Variants in TECR observed in about 807,000 individuals in gnomAD.
The protein encoded by TECR is trans-2,3-enoyl-CoA reductase.
TECR carries 19 observed loss-of-function variants against 50.6 expected under a neutral mutation model. The ratio of observed to expected loss-of-function variants is 0.38; its 90% CI spans 0.26 to 0.55. TECR has a LOEUF of 0.55. TECR is among the 20% of genes least tolerant of loss of function. The pLI is 0.79. For missense variants in TECR, 313 were observed against 408.3 expected (o/e 0.77, Z 2.01); for synonymous variants, 168 against 163.5 (o/e 1.03, Z -0.21).
intron 1 of TECR, among the ~76,000 whole-genome samples, chr19:14,543,226 C>G (rs1039369010): frequency 3.6e-5 from 5 of 139,248 alleles, no homozygotes; most frequent in African/African-American, 1.4e-4. Flanking sequence ...AGGAGGTGGG[C>G]AGATGGGTGG....
intron 11 of TECR, 61 bp downstream of exon 11, chr19:14,565,351 C>T (rs2074045744): frequency 1.3e-6 from 2 of 1,593,288 alleles, no homozygotes. Flanking sequence ...GAGGGACCAG[C>T]CCCTAGGATG....
intron 1 of TECR, among the ~76,000 whole-genome samples, chr19:14,559,210 A>G (rs575629062): frequency 7.9e-5 from 12 of 152,280 alleles, no homozygotes; most frequent in African/African-American, 2.9e-4. Context: ...ACATGAAACT[A>G]ACCATTTAAA....
intron 1 of TECR, chr19:14,530,383 T>C (rs537356507): frequency 1.0e-3 from 158 of 153,324 alleles, no homozygotes; most frequent in African/African-American, 3.5e-3. Flanking sequence ...CGAAGTCTTC[T>C]GATGTGCTTA....
In TECR at chr19:14,563,350, GGCCTGCAGAGAT is replaced by G. The variant is rs1392536453; in HGVS notation, c.118+97_118+108del. On this transcript the variant is annotated intron_variant, in intron 3 of 12. Transcript: ENST00000215567. This position sits in a 1 kb window ranked among gnomAD's most constrained non-coding sequence, Gnocchi z 5.3. Reference sequence around the variant, plus strand: ...TCCCATCCTGCACCCCTCTCCCAGGGGCCTGCAGAGATGCCCCAGTGTGGCCCAGGCTTCTGG... The same window carrying G: ...TCCCATCCTGCACCCCTCTCCCAGGGGCCCCAGTGTGGCCCAGGCTTCTGG... 1 of 1,255,114 alleles carries G rather than the reference GGCCTGCAGAGAT, an allele frequency of 8.0e-7. No individual in the cohort carries two copies. Among genetic ancestry groups the G allele is most frequent in the East Asian group, 2.4e-5 (1 of 41,484 alleles). The allele number at this position is 1,255,114 out of a possible 1,614,324, so 77.7% of individuals were successfully genotyped here.
intron 1 of TECR, among the ~76,000 whole-genome samples, chr19:14,541,461 G>A (rs904926988): frequency 2.6e-5 from 4 of 152,188 alleles, no homozygotes; most frequent in Non-Finnish European, 5.9e-5. Flanking sequence ...GCCTTTTCCC[G>A]TCATAGGACC....
At chr19:14,553,951 C>T (rs1447815742) in intron 1 of TECR, among the ~76,000 whole-genome samples, 1 of 152,178 alleles carries the variant, frequency 6.6e-6, no homozygotes, top group Non-Finnish European at 1.5e-5. Context: ...GCCTCTTGTG[C>T]CCCAGACTCG....
rs1411858922 is a variant in TECR, at chr19:14,564,285, A to G, written c.487A>G (p.Lys163Glu). Residue 163 changes from lysine to glutamate, a missense_variant and splice_region_variant, in exon 7 of 13, where the codon AAG becomes GAG. Coordinates refer to ENST00000215567, the MANE Select transcript of TECR (RefSeq NM_138501.6). ...CACTATGCCTTTGCGCAACATCTTCAAGGTGAGAGCCCGTCCCCGCCTCAC... is the reference window on the plus strand; with the variant it reads ...CACTATGCCTTTGCGCAACATCTTCGAGGTGAGAGCCCGTCCCCGCCTCAC... ...HGTMPLRNIF[K>E]NCTYYWGFAA... is the part of the protein sequence containing the mutation. 6.2e-7 allele frequency: 1 copy of G among 1,602,446 alleles called. No homozygotes were observed. The highest frequency in any genetic ancestry group is 8.5e-7 in the Non-Finnish European group (1 of 1,178,976).
intron 1 of TECR, among the ~76,000 whole-genome samples, chr19:14,537,778 C>T (rs2072955178): frequency 6.8e-6 from 1 of 146,960 alleles, no homozygotes; most frequent in African/African-American, 2.5e-5. Context: ...CGAAGTCTCG[C>T]TCTTGTCCCC....
At chr19:14,550,137 A>G (rs1329253971) in intron 1 of TECR, among the ~76,000 whole-genome samples, 4 of 151,912 alleles carry the variant, frequency 2.6e-5, no homozygotes, top group East Asian at 1.9e-4. Flanking sequence ...CTCTCCTTCT[A>G]TAGCTGAACC....
chr19:14,536,008 G>T (rs1332842158), intron 1 of TECR, among the ~76,000 whole-genome samples: 2 of 151,990 alleles, frequency 1.3e-5, no homozygotes, highest in African/African-American at 4.8e-5. Context: ...TAGGCACTCA[G>T]AATCTCAGAG....
intron 1 of TECR, chr19:14,532,536 G>C (rs201301933): frequency 6.9e-6 from 1 of 145,740 alleles, no homozygotes; most frequent in East Asian, 2.0e-4. Flanking sequence ...AAAAAAAAAA[G>C]GGAAGCTTCA....
At chr19:14,543,705 T>A (rs2073207360) in intron 1 of TECR, among the ~76,000 whole-genome samples, 1 of 150,600 alleles carries the variant, frequency 6.6e-6, no homozygotes, top group Non-Finnish European at 1.5e-5. Context: ...CCCAAAGTGC[T>A]GGGATTACAG....
chr19:14,560,124 C>T (rs1316115329), intron 1 of TECR, among the ~76,000 whole-genome samples: 3 of 152,212 alleles, frequency 2.0e-5, no homozygotes, highest in Non-Finnish European at 4.4e-5. Context: ...TCTCGCTACC[C>T]CCTCCTGCCG....
At chr19:14,541,799 T>G (rs946189667) in intron 1 of TECR, among the ~76,000 whole-genome samples, 14 of 151,646 alleles carry the variant, frequency 9.2e-5, no homozygotes, top group South Asian at 6.3e-4. Context: ...TTTTTTTTTT[T>G]GAGATGGAGT....
upstream of TECR, chr19:14,529,546 C>A: frequency 8.4e-7 from 1 of 1,195,910 alleles, no homozygotes. Context: ...CCCTGATTGG[C>A]CGACGGGGCG....
chr19:14,552,504 C>T (rs373327479), intron 1 of TECR, among the ~76,000 whole-genome samples: 1 of 151,548 alleles, frequency 6.6e-6, no homozygotes, highest in Non-Finnish European at 1.5e-5. Flanking sequence ...TTCCAAGCCA[C>T]GTAACAGGCA....
At chr19:14,539,973 G>T (rs376608128) in intron 1 of TECR, among the ~76,000 whole-genome samples, 17 of 151,048 alleles carry the variant, frequency 1.1e-4, no homozygotes, top group Middle Eastern at 6.8e-3. Context: ...TCCACCTCCC[G>T]GGTTCAAGTG....
Position 14,534,408 on chromosome 19 carries a change from G to A in TECR, c.15+4697G>A, listed in dbSNP as rs543407298. ...CAGGGTGCTGGGATTACAGGAGTGA[G>A]CCACCATGCCTGGCCTTTTTTTTTT... On this transcript the variant is annotated intron_variant, in intron 1 of 12. Coordinates refer to ENST00000215567, the MANE Select transcript of TECR (RefSeq NM_138501.6). Among the ~76,000 whole-genome samples, 3 of 133,818 alleles carry A rather than the reference G, an allele frequency of 2.2e-5. No homozygotes were observed. The East Asian group carries it at 6.8e-4, about 30-fold the overall frequency. 87.8% of individuals were successfully genotyped at this position (133,818 alleles called of 152,430 possible).
chr19:14,559,624 T>C (rs544059164), intron 1 of TECR, among the ~76,000 whole-genome samples: 2 of 152,010 alleles, frequency 1.3e-5, no homozygotes, highest in East Asian at 3.9e-4. Context: ...CCATCTCTCC[T>C]AAAATACAAA....
Sources: allele counts gnomAD v4.1 joint callset (sites outside exome capture counted in the v4.1 genomes callset), GRCh38; gene constraint gnomAD v4.1.1; non-coding constraint Gnocchi (gnomAD v3.1); transcripts MANE v1.5; gene names NCBI Gene and HGNC (gene_info 2026-07-23, HGNC 2026-07-21).